The following COG5 variants were observed in gnomAD, a reference collection of about 807,000 sequenced individuals.
The protein encoded by COG5 is conserved oligomeric Golgi complex subunit 5.
COG5 carries 86 observed loss-of-function variants against 110.4 expected under a neutral mutation model. The ratio of observed to expected loss-of-function variants is 0.78; its 90% CI spans 0.65 to 0.93. The LOEUF is 0.93. Ranked by LOEUF, COG5 falls within the 40% of genes least tolerant of loss-of-function variation. COG5 has a pLI of 0.00. For missense variants in COG5, 1,077 were observed against 987.0 expected, an observed-to-expected ratio of 1.09 and a Z score of -1.22; for synonymous variants, 360 against 334.6, an observed-to-expected ratio of 1.08 and a Z score of -0.83.
intron 6 of COG5, among the ~76,000 whole-genome samples, chr7:107,499,106 G>A (rs1798471349): frequency 1.3e-5 from 2 of 152,124 alleles, no homozygotes; most frequent in African/African-American, 4.8e-5. Flanking sequence ...ACAAATGCAT[G>A]GAAGCGAATA....
chr7:107,420,337 T>C (rs193090879), intron 6 of COG5, among the ~76,000 whole-genome samples: 108 of 152,338 alleles, frequency 7.1e-4, no homozygotes, highest in African/African-American at 2.5e-3. Flanking sequence ...ATGTAAGTTA[T>C]TAGTTATTAT....
chr7:107,265,500 T>C (rs1468855445), intron 14 of COG5, among the ~76,000 whole-genome samples: 1 of 152,132 alleles, frequency 6.6e-6, no homozygotes, highest in East Asian at 1.9e-4. Flanking sequence ...GGTCTCAAAC[T>C]CTTGGGCTCA....
chr7:107,409,230 G>GAAAAAAAAAAAAAAAAAAAAAAAA (rs11366303), intron 7 of COG5, among the ~76,000 whole-genome samples: 1 of 104,992 alleles, frequency 9.5e-6, no homozygotes, highest in African/African-American at 3.3e-5. Flanking sequence ...CAACGTCAAG[G>GAAAAAAAAAAAAAAAAAAAAAAAA]AAAAAAAAAA....
intron 6 of COG5, among the ~76,000 whole-genome samples, chr7:107,495,138 G>A (rs1188188677): frequency 1.3e-5 from 2 of 152,096 alleles, no homozygotes; most frequent in Non-Finnish European, 2.9e-5. Context: ...AGCTATAATG[G>A]CAGAAAGCTG....
intron 6 of COG5, among the ~76,000 whole-genome samples, chr7:107,488,662 T>G (rs868153902): frequency 6.6e-6 from 1 of 151,864 alleles, no homozygotes; most frequent in Non-Finnish European, 1.5e-5. Flanking sequence ...CTGGGCAACA[T>G]AGTAAAACCC....
chr7:107,253,825 T>C (rs1802691926), intron 16 of COG5, among the ~76,000 whole-genome samples: 1 of 152,134 alleles, frequency 6.6e-6, no homozygotes, highest in Non-Finnish European at 1.5e-5. Context: ...TCTCTATTCC[T>C]GGAACACTTG....
chr7:107,394,413 T>C (rs1053129911), intron 7 of COG5, among the ~76,000 whole-genome samples: 1 of 152,220 alleles, frequency 6.6e-6, no homozygotes, highest in African/African-American at 2.4e-5. Context: ...GTGATTTTTT[T>C]CTTTCTTTCT....
chr7:107,503,925 C>T (rs1345424064), intron 6 of COG5, among the ~76,000 whole-genome samples: 1 of 150,668 alleles, frequency 6.6e-6, no homozygotes, highest in East Asian at 2.0e-4. Flanking sequence ...TATACAATCA[C>T]ATCATCAGTG....
chr7:107,332,887 A>C (rs906645990), intron 10 of COG5, among the ~76,000 whole-genome samples: 1 of 152,200 alleles, frequency 6.6e-6, no homozygotes, highest in African/African-American at 2.4e-5. Context: ...GAAAACCAAG[A>C]CGGGATGATG....
intron 14 of COG5, among the ~76,000 whole-genome samples, chr7:107,265,481 G>T (rs1803723744): frequency 6.6e-6 from 1 of 151,880 alleles, no homozygotes; most frequent in Admixed American, 6.6e-5. Context: ...TCCACTTTTT[G>T]CCCTCACTGG....
At chr7:107,337,746 T>A (rs1026948722) in intron 10 of COG5, among the ~76,000 whole-genome samples, 1 of 152,036 alleles carries the variant, frequency 6.6e-6, no homozygotes, top group African/African-American at 2.4e-5. Flanking sequence ...CAGAGTAAGG[T>A]GGCTATAGTT....
chr7:107,281,993 T>C (rs1207659924), intron 13 of COG5, among the ~76,000 whole-genome samples: 1 of 146,704 alleles, frequency 6.8e-6, no homozygotes, highest in Non-Finnish European at 1.5e-5. Context: ...AATTGGGGTA[T>C]TTGATCTGAC....
intron 19 of COG5, among the ~76,000 whole-genome samples, chr7:107,218,058 T>C (rs977858195): frequency 4.6e-5 from 7 of 151,972 alleles, no homozygotes; most frequent in Admixed American, 2.6e-4. Flanking sequence ...ATGAATGATC[T>C]GAAAAGGAAA....
chr7:107,463,675 T>C (rs1438913311), intron 6 of COG5, among the ~76,000 whole-genome samples: 1 of 152,152 alleles, frequency 6.6e-6, no homozygotes, highest in East Asian at 1.9e-4. Context: ...CCAAGGAATT[T>C]AACATATGCA....
chr7:107,559,854 G>C (rs1236912179), intron 1 of COG5, among the ~76,000 whole-genome samples: 2 of 152,230 alleles, frequency 1.3e-5, no homozygotes, highest in South Asian at 2.1e-4. Flanking sequence ...ACTGATTTCA[G>C]TGTGTCTAAA....
chr7:107,349,461 C>T lies in COG5; in HGVS notation c.1026+12572G>A, dbSNP rs1180118175. Among the ~76,000 whole-genome samples, 5 of 151,956 alleles carry T rather than the reference C, an allele frequency of 3.3e-5. No homozygotes were observed. In the South Asian group the frequency reaches 8.3e-4, roughly 25 times the overall value. On this transcript the variant is annotated intron_variant, in intron 10 of 21. Transcript: ENST00000297135. ...TCGCCCAGGCTGGAGTGCAGTGGTG[C>T]GATCTCTGCTCACTGCAACCTCCGC...
At chr7:107,283,934 T>C (rs1288596251) in intron 12 of COG5, among the ~76,000 whole-genome samples, 1 of 151,496 alleles carries the variant, frequency 6.6e-6, no homozygotes, top group Non-Finnish European at 1.5e-5. Context: ...TAGTAACCTT[T>C]TTTTTTTTGA....
At chr7:107,375,598 A>C (rs190487947) in intron 7 of COG5, among the ~76,000 whole-genome samples, 1 of 152,034 alleles carries the variant, frequency 6.6e-6, no homozygotes, top group African/African-American at 2.4e-5. Context: ...TGACTAAAAA[A>C]CTGAATACTT....
chr7:107,243,468 C>T (rs569709268), intron 17 of COG5, among the ~76,000 whole-genome samples: 2 of 146,526 alleles, frequency 1.4e-5, no homozygotes, highest in East Asian at 2.0e-4. Context: ...GCCGAGATCA[C>T]GCCACTGCAC....
Sources: allele counts gnomAD v4.1 joint callset (sites outside exome capture counted in the v4.1 genomes callset), GRCh38; gene constraint gnomAD v4.1.1; transcripts MANE v1.5; gene names NCBI Gene and HGNC (gene_info 2026-07-23, HGNC 2026-07-21).